The following ZNF644 variants were observed in gnomAD, a reference collection of about 807,000 sequenced individuals.
ZNF644 encodes zinc finger motif enhancer binding protein 2.
Under a neutral mutation model 108.0 loss-of-function variants are expected in ZNF644, and 20 were observed. The observed-to-expected ratio is 0.19, with a 90% confidence interval of 0.13 to 0.27. The LOEUF is 0.27. Ranked by LOEUF, ZNF644 falls within the 10% of genes least tolerant of loss-of-function variation. ZNF644 has a pLI of 1.00. For synonymous variants in ZNF644, 542 were observed against 539.1 expected (o/e 1.01, Z -0.08); for missense variants, 1,338 against 1,548.9 (o/e 0.86, Z 2.29).
At chr1:91,005,054 T>TA (rs1344836209) in intron 1 of ZNF644, among the ~76,000 whole-genome samples, 5 of 151,794 alleles carry the variant, frequency 3.3e-5, no homozygotes, top group Non-Finnish European at 1.5e-5. Context: ...GCAGAAGGGG[T>TA]AAAAAACATA....
intron 4 of ZNF644, among the ~76,000 whole-genome samples, chr1:90,921,321 T>C (rs991858018): frequency 2.0e-5 from 3 of 152,110 alleles, no homozygotes; most frequent in Middle Eastern, 3.2e-3. Context: ...CAGAGTTGTT[T>C]ATATGAATAA....
chr1:90,935,697 G>A (rs1427941504), intron 4 of ZNF644, among the ~76,000 whole-genome samples: 1 of 152,212 alleles, frequency 6.6e-6, no homozygotes, highest in Non-Finnish European at 1.5e-5. Context: ...TTATTAGTTT[G>A]TAGTTAGTAT....
At chr1:91,004,504 G>C (rs1040627003) in intron 1 of ZNF644, among the ~76,000 whole-genome samples, 4 of 152,146 alleles carry the variant, frequency 2.6e-5, no homozygotes, top group African/African-American at 9.7e-5. Context: ...AAATACTAAA[G>C]AGTGTCCCTC....
At chr1:90,956,179 T>C (rs1213406096) in intron 2 of ZNF644, among the ~76,000 whole-genome samples, 1 of 152,146 alleles carries the variant, frequency 6.6e-6, no homozygotes, top group African/African-American at 2.4e-5. Context: ...TGTGGTGCCC[T>C]AAAACAATTA....
intron 1 of ZNF644, among the ~76,000 whole-genome samples, chr1:91,000,814 A>G (rs1294566855): frequency 6.6e-6 from 1 of 152,192 alleles, no homozygotes; most frequent in Admixed American, 6.5e-5. Flanking sequence ...GAAAAGAGAG[A>G]AGAATCAAAT....
Position 90,939,102 on chromosome 1 carries a change from T to C in ZNF644, c.2252A>G (p.Lys751Arg), listed in dbSNP as rs1651662735. The C allele has an allele frequency of 6.2e-7, 1 of 1,613,900 alleles. No homozygotes were observed. The highest frequency in any genetic ancestry group is 1.3e-5 in the African/African-American group (1 of 74,928). ...RHKYENYRMI[K>R]KSGESYPVHF... ...CACAGGATATGATTCACCTGATTTTTTGATCATCCTATAGTTTTCATATTT... is the reference window on the plus strand; with the variant it reads ...CACAGGATATGATTCACCTGATTTTCTGATCATCCTATAGTTTTCATATTT... Residue 751 changes from lysine (K) to arginine (R), a missense_variant, in exon 3 of 6, where the codon AAA becomes AGA. This residue lies in a region of ZNF644 where 462 missense variants were observed against 472.6 expected (regional missense o/e 0.98). Transcript: ENST00000337393.
At chr1:90,958,700 A>G (rs1654011348) in intron 2 of ZNF644, among the ~76,000 whole-genome samples, 1 of 152,210 alleles carries the variant, frequency 6.6e-6, no homozygotes, top group African/African-American at 2.4e-5. Context: ...ACAAAGTGCC[A>G]AGACCATTCA....
chr1:90,929,159 C>T (rs1328395425), intron 4 of ZNF644, among the ~76,000 whole-genome samples: 1 of 152,006 alleles, frequency 6.6e-6, no homozygotes, highest in Non-Finnish European at 1.5e-5. Context: ...TTCAATGAGA[C>T]AAACAGTAAG....
intron 1 of ZNF644, among the ~76,000 whole-genome samples, chr1:91,004,543 A>G (rs1293188559): frequency 2.6e-5 from 4 of 152,188 alleles, no homozygotes; most frequent in Non-Finnish European, 5.9e-5. Flanking sequence ...ACTAGATAGC[A>G]ATCTGAATCC....
intron 1 of ZNF644, 62 bp downstream of exon 1, chr1:91,021,928 C>G: frequency 2.5e-6 from 1 of 399,284 alleles, no homozygotes; most frequent in Non-Finnish European, 4.4e-6. Context: ...GCTGCCACAG[C>G]CCAGAGGCCC....
intron 2 of ZNF644, among the ~76,000 whole-genome samples, chr1:90,964,898 G>A (rs1363105581): frequency 6.6e-6 from 1 of 152,030 alleles, no homozygotes; most frequent in Admixed American, 6.6e-5. Flanking sequence ...TAATGCTGTA[G>A]CATTTACTTT....
rs764261778 is a variant in ZNF644, at chr1:90,939,542, G to C, written c.1812C>G (p.His604Gln). The part of the protein sequence containing the change: ...TTSAKSVLKK[H>Q]TEYLHSSSCV... The stretch of plus-strand genomic sequence containing the variant: ...ATGATGATGAATGCAAGTACTCCGT[G>C]TGCTTTTTTAAAACACTTTTGGCTG... Residue 604 changes from histidine to glutamine, a missense_variant, in exon 3 of 6, where the codon CAC (histidine) becomes CAG (glutamine). His to Gln is a conservative substitution (Grantham distance 24). Coordinates refer to ENST00000337393, the MANE Select transcript of ZNF644 (RefSeq NM_201269.3). The C allele has an allele frequency of 1.2e-6, 2 of 1,613,872 alleles. No individual in the cohort carries two copies. The highest frequency in any genetic ancestry group is 2.7e-5 in the African/African-American group (2 of 74,928).
intron 2 of ZNF644, among the ~76,000 whole-genome samples, chr1:90,959,351 A>C (rs1426594531): frequency 6.6e-6 from 1 of 152,174 alleles, no homozygotes; most frequent in East Asian, 1.9e-4. Context: ...CAGTTCCTAA[A>C]AGAGTTGAGC....
At chr1:90,958,232 TAAAAAAAAAAAAAAAA>T (rs777224217) in intron 2 of ZNF644, among the ~76,000 whole-genome samples, 1 of 41,388 alleles carries the variant, frequency 2.4e-5, no homozygotes, top group Admixed American at 2.8e-4. Flanking sequence ...GCAAAACTCC[TAAAAAAAAAAAAAAAA>T]AAAAAAAAAG....
intron 2 of ZNF644, among the ~76,000 whole-genome samples, chr1:90,974,966 T>C (rs1655852326): frequency 6.6e-6 from 1 of 152,148 alleles, no homozygotes. Flanking sequence ...GTTCCAGCAA[T>C]CTTCCCTTTC....
chr1:90,915,851 A>G lies in ZNF644; in HGVS notation c.*947T>C, dbSNP rs1426438283. 1 of 152,626 alleles carries G rather than the reference A, an allele frequency of 6.6e-6. No individual in the cohort carries two copies. The highest frequency in any genetic ancestry group is 2.4e-5 in the African/African-American group (1 of 41,464). 9.5% of individuals were successfully genotyped at this position (152,626 alleles called of 1,614,324 possible). A position where few individuals can be genotyped will look rare whatever the true frequency, so the allele number is the denominator to read the frequency against. Reference sequence around the variant, plus strand: ...GAAGATAATATAAATGAGAACGTCTATTCTAAACTGTGTAGTGAGCATTGT... The same window carrying G: ...GAAGATAATATAAATGAGAACGTCTGTTCTAAACTGTGTAGTGAGCATTGT... On this transcript the variant is annotated 3_prime_UTR_variant, in exon 6 of 6. Coordinates refer to ENST00000337393, the MANE Select transcript of ZNF644 (RefSeq NM_201269.3).
chr1:91,000,014 A>G (rs1055356020), intron 1 of ZNF644, among the ~76,000 whole-genome samples: 2 of 152,244 alleles, frequency 1.3e-5, no homozygotes, highest in African/African-American at 4.8e-5. Context: ...TGCACCCAAT[A>G]CAGGAGCACC....
At chr1:90,957,980 G>T (rs538213612) in intron 2 of ZNF644, among the ~76,000 whole-genome samples, 1 of 151,852 alleles carries the variant, frequency 6.6e-6, no homozygotes, top group African/African-American at 2.4e-5. Flanking sequence ...TACCAGCAAC[G>T]AATGATCCAA....
At position 90,937,980 on chromosome 1, in the gene ZNF644, C is replaced by T; in HGVS notation, c.3193G>A (p.Gly1065Arg). The change falls in exon 4 of 6, where the codon GGA (glycine) becomes AGA (arginine). Residue 1065 changes from glycine (G) to arginine (R), a missense_variant. Gly to Arg is a moderately radical substitution (Grantham distance 125). This residue lies in a region of ZNF644 where 287 missense variants were observed against 310.9 expected (regional missense o/e 0.92). Transcript: ENST00000337393. The part of the protein sequence containing the change: ...NHVRGHLKRL[G>R]KTKWDAHKSP... Reference sequence around the variant, plus strand: ...TTGTGAGCATCCCATTTCGTCTTTCCAAGTCTTTTCAAGTGGCCTCTAACA... The same window carrying T: ...TTGTGAGCATCCCATTTCGTCTTTCTAAGTCTTTTCAAGTGGCCTCTAACA... 1.2e-6 allele frequency: 2 copies of T among 1,612,052 alleles called. No individual in the cohort carries two copies. The highest frequency in any genetic ancestry group is 1.7e-6 in the Non-Finnish European group (2 of 1,179,808).
Sources: allele counts gnomAD v4.1 joint callset (sites outside exome capture counted in the v4.1 genomes callset), GRCh38; gene constraint gnomAD v4.1.1; regional missense constraint gnomAD v4.1.1; transcripts MANE v1.5; gene names NCBI Gene and HGNC (gene_info 2026-07-23, HGNC 2026-07-21).